SP140L: variants seen among roughly 807,000 people sequenced by gnomAD.
SP140L encodes the protein nuclear body protein SP140-like protein.
Under a neutral mutation model 84.3 loss-of-function variants are expected in SP140L, and 64 were observed. That is an observed-to-expected ratio of 0.76 (90% CI 0.62 to 0.94). SP140L has a LOEUF of 0.94. SP140L is among the 40% of genes least tolerant of loss of function. The pLI, the probability that SP140L is intolerant of heterozygous loss-of-function variation, is 0.00. For missense variants in SP140L, 628 were observed against 692.5 expected (o/e 0.91, Z 1.05); for synonymous variants, 242 against 236.9 (o/e 1.02, Z -0.20).
chr2:230,353,037 T>C (rs915272521), intron 2 of SP140L, among the ~76,000 whole-genome samples: 7 of 152,236 alleles, frequency 4.6e-5, no homozygotes, highest in African/African-American at 1.7e-4. Context: ...ACTTATCAAA[T>C]TCCCTTTTAA....
intron 2 of SP140L, among the ~76,000 whole-genome samples, chr2:230,334,337 G>A (rs921798281): frequency 8.5e-5 from 13 of 152,272 alleles, no homozygotes; most frequent in African/African-American, 3.1e-4. Context: ...TGAAATGTTT[G>A]GTTGTCTCTT....
intron 5 of SP140L, among the ~76,000 whole-genome samples, chr2:230,366,820 G>A (rs559714184): frequency 2.3e-4 from 35 of 151,044 alleles, no homozygotes; most frequent in Middle Eastern, 3.4e-3. Context: ...TGCAACCTTC[G>A]TCTCCGGATT....
chr2:230,376,194 T>C (rs1056475238), intron 7 of SP140L, among the ~76,000 whole-genome samples: 1 of 152,176 alleles, frequency 6.6e-6, no homozygotes, highest in African/African-American at 2.4e-5. Flanking sequence ...CTTGGCACCC[T>C]TGTCAAGATT....
intron 5 of SP140L, among the ~76,000 whole-genome samples, chr2:230,367,647 TAAC>T (rs561565724): frequency 2.6e-4 from 39 of 152,268 alleles, no homozygotes; most frequent in Non-Finnish European, 5.1e-4. Flanking sequence ...GTGTGTTCCT[TAAC>T]AAATTATTGT....
At chr2:230,343,180 C>T (rs1208456715) in intron 2 of SP140L, among the ~76,000 whole-genome samples, 1 of 120,014 alleles carries the variant, frequency 8.3e-6, no homozygotes, top group Non-Finnish European at 1.8e-5. Context: ...TTGCACAGAT[C>T]ATCCTAGGTA....
chr2:230,372,879 C>T (rs934652662), intron 7 of SP140L: 1 of 152,010 alleles, frequency 6.6e-6, no homozygotes, highest in African/African-American at 2.4e-5. Flanking sequence ...GTTATGAATG[C>T]AAAGGAAAAG....
At chr2:230,383,085 C>T (rs1412579691) in intron 7 of SP140L, among the ~76,000 whole-genome samples, 1 of 152,170 alleles carries the variant, frequency 6.6e-6, no homozygotes, top group Non-Finnish European at 1.5e-5. Flanking sequence ...TGAAAACTCT[C>T]CATATCAGAG....
chr2:230,332,569 G>T (rs1002012192), intron 2 of SP140L, among the ~76,000 whole-genome samples: 3 of 152,152 alleles, frequency 2.0e-5, no homozygotes, highest in African/African-American at 7.2e-5. Context: ...CAGTGTTATC[G>T]TTATGAGGGT....
At chr2:230,388,685 G>A (rs1575531689) in intron 10 of SP140L, 52 bp downstream of exon 10, 15 of 1,451,288 alleles carry the variant, frequency 1.0e-5, no homozygotes, top group Middle Eastern at 3.5e-4. Context: ...CTAATTTCCT[G>A]TGCTTTATGC....
intron 5 of SP140L, among the ~76,000 whole-genome samples, chr2:230,370,578 G>A (rs1281344969): frequency 1.3e-5 from 2 of 152,124 alleles, no homozygotes; most frequent in Non-Finnish European, 2.9e-5. Flanking sequence ...AATGACCAAA[G>A]AAGGAGAATC....
At chr2:230,379,115 A>G (rs948599089) in intron 7 of SP140L, among the ~76,000 whole-genome samples, 2 of 152,154 alleles carry the variant, frequency 1.3e-5, no homozygotes. Context: ...ATGTTAAGCC[A>G]TCTTGTGCAG....
intron 14 of SP140L, among the ~76,000 whole-genome samples, chr2:230,397,322 A>G (rs1457746076): frequency 6.6e-6 from 1 of 152,188 alleles, no homozygotes; most frequent in East Asian, 1.9e-4. Flanking sequence ...TAGTCCTGTA[A>G]AGGAGTACAT....
At chr2:230,343,889 CTG>C (rs1292211874) in intron 2 of SP140L, among the ~76,000 whole-genome samples, 4 of 152,178 alleles carry the variant, frequency 2.6e-5, no homozygotes, top group African/African-American at 7.2e-5. Context: ...ATCTGAGAAA[CTG>C]TTATGATTAC....
At chr2:230,385,508 A>G (rs1263122495) in intron 9 of SP140L, among the ~76,000 whole-genome samples, 1 of 152,154 alleles carries the variant, frequency 6.6e-6, no homozygotes. Flanking sequence ...TCCAAGTTCT[A>G]AAGTTGTTTT....
At chr2:230,351,351 C>T (rs990234352) in intron 2 of SP140L, among the ~76,000 whole-genome samples, 4 of 152,132 alleles carry the variant, frequency 2.6e-5, no homozygotes, top group African/African-American at 7.2e-5. Flanking sequence ...TTAGTTTTAA[C>T]GTATTCATAT....
chr2:230,396,733 T>A (rs765607051), intron 13 of SP140L, 24 bp from the exon 14 acceptor site: 1 of 1,612,320 alleles, frequency 6.2e-7, no homozygotes, highest in Admixed American at 1.7e-5. Context: ...ATATCATAAA[T>A]CAATCTTTCT....
chr2:230,386,077 G>A (rs2061568607), intron 9 of SP140L, among the ~76,000 whole-genome samples: 1 of 152,178 alleles, frequency 6.6e-6, no homozygotes, highest in African/African-American at 2.4e-5. Context: ...AAGGGGAGGG[G>A]TCAGGCATCA....
chr2:230,402,382 C>T (rs548185951), intron 18 of SP140L, among the ~76,000 whole-genome samples: 1 of 152,344 alleles, frequency 6.6e-6, no homozygotes, highest in East Asian at 1.9e-4. Context: ...TTTCACTTTT[C>T]TGCCCTGTTA....
At chr2:230,398,234 C>T (rs1247878831) in intron 14 of SP140L, among the ~76,000 whole-genome samples, 1 of 152,164 alleles carries the variant, frequency 6.6e-6, no homozygotes, top group Non-Finnish European at 1.5e-5. Context: ...AAGAAGAATA[C>T]CAGTGCCTGT....
Sources: gnomAD v4.1 joint callset for allele counts (sites outside exome capture counted in the v4.1 genomes callset) on GRCh38, gnomAD v4.1.1 for gene constraint, MANE v1.5 for transcripts, NCBI Gene and HGNC (gene_info 2026-07-23, HGNC 2026-07-21) for gene names.